Variants in PPP2R2B observed in about 807,000 individuals in gnomAD.
PPP2R2B encodes the protein protein phosphatase 2 regulatory subunit Bbeta, also known as serine/threonine-protein phosphatase 2A 55 kDa regulatory subunit B beta isoform.
Under a neutral mutation model 46.0 loss-of-function variants are expected in PPP2R2B, and 5 were observed. That is an observed-to-expected ratio of 0.11 (90% CI 0.06 to 0.23). The LOEUF is 0.23. Among genes scored for constraint, PPP2R2B ranks in the 10% least tolerant of loss-of-function variants. The pLI, the probability that PPP2R2B is intolerant of heterozygous loss-of-function variation, is 1.00. For synonymous variants in PPP2R2B, 215 were observed against 206.7 expected (o/e 1.04, Z -0.34); for missense variants, 367 against 575.0 (o/e 0.64, Z 3.70).
chr5:146,801,724 G>T (rs1756878987), intron 2 of PPP2R2B, among the ~76,000 whole-genome samples: 1 of 152,156 alleles, frequency 6.6e-6, no homozygotes, highest in Admixed American at 6.5e-5. Flanking sequence ...ACTTAATAAG[G>T]GTGCTATGAG....
At chr5:146,734,212 T>C (rs1752405889) in intron 2 of PPP2R2B, among the ~76,000 whole-genome samples, 2 of 152,092 alleles carry the variant, frequency 1.3e-5, no homozygotes, top group East Asian at 1.9e-4. Context: ...CACACCACCA[T>C]ACCTGGCTAA....
intron 1 of PPP2R2B, among the ~76,000 whole-genome samples, chr5:146,993,179 G>A (rs188235936): frequency 3.3e-5 from 5 of 151,970 alleles, no homozygotes; most frequent in Non-Finnish European, 7.4e-5. Flanking sequence ...GTAATCTCAG[G>A]TGATCCACCT....
chr5:146,739,432 TG>T (rs1752736113), intron 2 of PPP2R2B, among the ~76,000 whole-genome samples: 1 of 151,992 alleles, frequency 6.6e-6, no homozygotes, highest in Admixed American at 6.5e-5. Context: ...GGGCAAAGGA[TG>T]GGGAGGAAAG....
intron 2 of PPP2R2B, among the ~76,000 whole-genome samples, chr5:146,830,609 C>T (rs1167282215): frequency 6.6e-6 from 1 of 151,788 alleles, no homozygotes; most frequent in Non-Finnish European, 1.5e-5. Flanking sequence ...ACTGCAATCC[C>T]CGACTCCCGG....
intron 1 of PPP2R2B, among the ~76,000 whole-genome samples, chr5:147,003,366 C>A (rs1754279461): frequency 6.6e-6 from 1 of 152,062 alleles, no homozygotes; most frequent in Non-Finnish European, 1.5e-5. Flanking sequence ...GGGAATTTGG[C>A]CCAACCCAGG....
chr5:147,081,269 C>T (rs1428666547), exon 1 of PPP2R2B: 18 of 1,535,566 alleles, frequency 1.2e-5, no homozygotes, highest in Middle Eastern at 1.7e-4. Context: ...GGTATCATCT[C>T]GTCAGAGAAG....
intron 2 of PPP2R2B, among the ~76,000 whole-genome samples, chr5:146,709,067 G>C (rs547282757): frequency 1.3e-5 from 2 of 152,314 alleles, no homozygotes; most frequent in East Asian, 1.9e-4. Context: ...GTTTGATCCA[G>C]AATTGTTTCC....
intron 2 of PPP2R2B, among the ~76,000 whole-genome samples, chr5:146,797,300 C>T (rs1756598725): frequency 6.6e-6 from 1 of 152,172 alleles, no homozygotes; most frequent in Non-Finnish European, 1.5e-5. Context: ...GCCACTATTG[C>T]TAATTTTTTC....
chr5:146,809,265 A>G (rs1757382689), intron 2 of PPP2R2B, among the ~76,000 whole-genome samples: 1 of 152,164 alleles, frequency 6.6e-6, no homozygotes, highest in Admixed American at 6.5e-5. Flanking sequence ...AAATGCTCAC[A>G]AGCAGACACT....
intron 1 of PPP2R2B, among the ~76,000 whole-genome samples, chr5:146,994,162 T>C (rs550348182): frequency 6.6e-5 from 10 of 152,286 alleles, no homozygotes; most frequent in African/African-American, 2.4e-4. Context: ...AACAACTCAG[T>C]GCAGCTCCAG....
At chr5:146,974,138 T>C (rs1013515341) in intron 1 of PPP2R2B, among the ~76,000 whole-genome samples, 2 of 152,184 alleles carry the variant, frequency 1.3e-5, no homozygotes, top group Non-Finnish European at 2.9e-5. Context: ...CATTTGAGTT[T>C]AAAGGTAAAT....
At position 146,589,867 on chromosome 5, in the gene PPP2R2B, A is replaced by C; in HGVS notation, c.*80T>G. On this transcript the variant is annotated 3_prime_UTR_variant, in exon 10 of 10. Transcript: ENST00000394411. Reference sequence around the variant, plus strand: ...TAGGGAAATTAAAGTCAATGCATCAAATGAAGACCCAAAGAAACATTTAAA... The same window carrying C: ...TAGGGAAATTAAAGTCAATGCATCACATGAAGACCCAAAGAAACATTTAAA... 1 of 1,390,114 alleles carries C rather than the reference A, an allele frequency of 7.2e-7. No individual in the cohort carries two copies. The highest frequency in any genetic ancestry group is 9.9e-7 in the Non-Finnish European group (1 of 1,005,496). 86.1% of individuals were successfully genotyped at this position (1,390,114 alleles called of 1,614,324 possible). A position where few individuals can be genotyped will look rare whatever the true frequency, so the allele number is the denominator to read the frequency against.
chr5:147,025,176 G>T (rs967005475), intron 1 of PPP2R2B, among the ~76,000 whole-genome samples: 4 of 152,000 alleles, frequency 2.6e-5, no homozygotes, highest in Admixed American at 1.3e-4. Context: ...GAATTTTCCA[G>T]TTCAGAGGAA....
At chr5:147,029,312 G>T (rs904876121) in intron 1 of PPP2R2B, among the ~76,000 whole-genome samples, 2 of 152,062 alleles carry the variant, frequency 1.3e-5, no homozygotes, top group African/African-American at 4.8e-5. Flanking sequence ...ATCTGAAATT[G>T]CTTTATGTGC....
intron 1 of PPP2R2B, chr5:146,922,258 C>T (rs1387308047): frequency 6.6e-6 from 1 of 152,196 alleles, no homozygotes; most frequent in Non-Finnish European, 1.5e-5. Context: ...TTTCTGTTTT[C>T]TTCCAAGTGT....
rs1770087717 is a variant in PPP2R2B at position 146,585,259 on chromosome 5, T to TACACACACACAAACACACAC, written c.*4687_*4688insGTGTGTGTTTGTGTGTGTGT. ...GATCAGTAACTTCCATCTACATGCA[T>TACACACACACAAACACACAC]ACACACACACACACACACACACACA... On this transcript the variant is annotated 3_prime_UTR_variant, in exon 10 of 10. Transcript: ENST00000394411. The TACACACACACAAACACACAC allele has an allele frequency of 7.7e-6, 1 of 129,902 alleles. No homozygotes were observed. The highest frequency in any genetic ancestry group is 1.6e-5 in the Non-Finnish European group (1 of 63,106). The allele number at this position is 129,902 out of a possible 1,614,324, so 8.0% of individuals were successfully genotyped here.
intron 5 of PPP2R2B, among the ~76,000 whole-genome samples, chr5:146,663,181 A>G (rs908029365): frequency 7.9e-5 from 12 of 152,218 alleles, no homozygotes; most frequent in African/African-American, 2.9e-4. Context: ...AATGTGTCCT[A>G]GCTAAAAGTA....
intron 1 of PPP2R2B, among the ~76,000 whole-genome samples, chr5:146,944,033 C>T (rs1014975861): frequency 9.9e-5 from 15 of 152,170 alleles, no homozygotes; most frequent in African/African-American, 3.4e-4. Flanking sequence ...CAGTAACTTG[C>T]TATTTAGCTA....
At chr5:147,059,304 C>A (rs972280129), upstream of PPP2R2B, among the ~76,000 whole-genome samples, 28 of 152,038 alleles carry the variant, frequency 1.8e-4, no homozygotes, top group African/African-American at 6.5e-4. Context: ...CATGCTTTTG[C>A]ATTAGGCATT....
Sources: allele counts gnomAD v4.1 joint callset (sites outside exome capture counted in the v4.1 genomes callset), GRCh38; gene constraint gnomAD v4.1.1; transcripts MANE v1.5; gene names NCBI Gene and HGNC (gene_info 2026-07-23, HGNC 2026-07-21).